Variants in FARP1 observed in about 807,000 individuals in gnomAD.
FARP1 encodes FERM, ARHGEF and pleckstrin domain-containing protein 1.
A neutral mutation model predicts 128.8 loss-of-function variants in FARP1; 52 were observed. The ratio of observed to expected loss-of-function variants is 0.40; its 90% CI spans 0.32 to 0.51. FARP1 has a LOEUF of 0.51. Ranked by LOEUF, FARP1 falls within the 20% of genes least tolerant of loss-of-function variation. FARP1 has a pLI of 0.45. For synonymous variants in FARP1, 580 were observed against 551.8 expected, an observed-to-expected ratio of 1.05 and a Z score of -0.72; for missense variants, 1,333 against 1,367.9, an observed-to-expected ratio of 0.97 and a Z score of 0.40.
intron 16 of FARP1, among the ~76,000 whole-genome samples, chr13:98,423,534 G>A (rs1414480363): frequency 1.3e-5 from 2 of 152,126 alleles, no homozygotes; most frequent in African/African-American, 4.8e-5. Context: ...TGTTTTAATT[G>A]TCTCTGGGAA....
Position 98,291,583 on chromosome 13 carries a change from G to A in FARP1, c.172-52179G>A, listed in dbSNP as rs151167689. ...ACCTGCAAAGGAACTATCATGAGGG[G>A]CAAGTTTCTGCCAGCGGGTATATCC... is the stretch of plus-strand genomic sequence containing the variant. On this transcript the variant is annotated intron_variant, in intron 2 of 26. Coordinates refer to ENST00000319562, the MANE Select transcript of FARP1 (RefSeq NM_005766.4). Among the ~76,000 whole-genome samples, 140 of 152,252 alleles carry A rather than the reference G, an allele frequency of 9.2e-4. No individual in the cohort carries two copies. The East Asian group carries it at 0.022, about 24-fold the overall frequency.
intron 19 of FARP1, 98 bp from the exon 20 acceptor site, chr13:98,438,706 C>G: frequency 1.0e-6 from 1 of 958,230 alleles, no homozygotes; most frequent in Non-Finnish European, 1.7e-6. Context: ...AGTCAGCCCT[C>G]AGGGGCTACA....
chr13:98,401,184 A>G (rs1421383217), intron 13 of FARP1: 3 of 152,090 alleles, frequency 2.0e-5, no homozygotes. Flanking sequence ...GCATAAAGAC[A>G]TTTACTCTGA....
At chr13:98,364,882 G>A (rs1889018154) in intron 3 of FARP1, among the ~76,000 whole-genome samples, 1 of 152,158 alleles carries the variant, frequency 6.6e-6, no homozygotes, top group Admixed American at 6.6e-5. Context: ...TCACTCCTGG[G>A]TAACAAGAAT....
intron 12 of FARP1, among the ~76,000 whole-genome samples, chr13:98,394,527 C>T (rs894082386): frequency 5.7e-4 from 86 of 152,154 alleles, no homozygotes; most frequent in African/African-American, 1.9e-3. Context: ...ATGAGCAGGA[C>T]GTGGTGGCTG....
intron 2 of FARP1, among the ~76,000 whole-genome samples, chr13:98,250,969 C>G (rs536487509): frequency 1.3e-5 from 2 of 152,098 alleles, no homozygotes; most frequent in Non-Finnish European, 2.9e-5. Flanking sequence ...TTGTGTGGCC[C>G]CTGGTCTTTG....
At chr13:98,205,010 T>C (rs1227360383) in intron 1 of FARP1, among the ~76,000 whole-genome samples, 1 of 152,168 alleles carries the variant, frequency 6.6e-6, no homozygotes, top group Non-Finnish European at 1.5e-5. Context: ...GTGATGAAAG[T>C]TTTGATTCTG....
intron 2 of FARP1, among the ~76,000 whole-genome samples, chr13:98,317,675 G>C (rs1288658902): frequency 1.3e-5 from 2 of 152,198 alleles, no homozygotes; most frequent in African/African-American, 2.4e-5. Context: ...AGGTGGGGCT[G>C]TCATAACCAC....
At chr13:98,421,855 T>TTA (rs1566308053) in intron 16 of FARP1, among the ~76,000 whole-genome samples, 96 of 149,100 alleles carry the variant, frequency 6.4e-4, no homozygotes, top group Non-Finnish European at 1.1e-3. Flanking sequence ...CCCATATCTT[T>TTA]AAAAAAAAAA....
intron 23 of FARP1, 100 bp downstream of exon 23, chr13:98,440,335 G>A (rs886689277): frequency 1.1e-5 from 9 of 855,686 alleles, no homozygotes; most frequent in Admixed American, 1.8e-5. Flanking sequence ...CCTCACATCC[G>A]TGGTGTACAT....
chr13:98,202,230 G>A (rs111997244), intron 1 of FARP1, among the ~76,000 whole-genome samples: 5,312 of 152,226 alleles, frequency 0.035, 300 homozygotes, highest in African/African-American at 0.12. Context: ...GGCAGCTTCC[G>A]GCTCATAAGA....
rs1258234912 is a variant in FARP1, at chr13:98,409,499, G to A, written c.1576G>A (p.Asp526Asn). ...GAATGACCAGGCCTGCCCCCGGACG[G>A]ACGATGAGGATGAGGGCCGGAGGAA... ...LLNDQACPRT[D>N]DEDEGRRKRF... The change falls in exon 14 of 27, where the codon GAC becomes AAC. Residue 526 changes from aspartate (D) to asparagine (N), a missense_variant. Physicochemically the swap from Asp to Asn is conservative, Grantham distance 23. Transcript: ENST00000319562. 1 of 1,612,860 alleles carries A rather than the reference G, an allele frequency of 6.2e-7. No homozygotes were observed. Among genetic ancestry groups the A allele is most frequent in the South Asian group, 1.1e-5 (1 of 90,890 alleles).
intron 16 of FARP1, 102 bp from the exon 17 acceptor site, chr13:98,424,470 G>A (rs1294226177): frequency 6.5e-6 from 5 of 764,114 alleles, no homozygotes; most frequent in Non-Finnish European, 1.2e-5. Flanking sequence ...GATGTCCGGG[G>A]AGGGGTGATT....
At chr13:98,395,812 C>T in intron 13 of FARP1, 1 of 402,406 alleles carries the variant, frequency 2.5e-6, no homozygotes, top group East Asian at 3.6e-5. Flanking sequence ...GCATAGCTCT[C>T]TCATAGATGA....
chr13:98,395,123 A>G, intron 12 of FARP1, 104 bp from the exon 13 acceptor site: 1 of 1,361,714 alleles, frequency 7.3e-7, no homozygotes, highest in South Asian at 1.7e-5. Flanking sequence ...CCCGCCGCAG[A>G]GGCCTCGGGT....
chr13:98,255,919 C>T (rs1438380013), intron 2 of FARP1, among the ~76,000 whole-genome samples: 1 of 152,220 alleles, frequency 6.6e-6, no homozygotes, highest in Non-Finnish European at 1.5e-5. Flanking sequence ...TGTGCGCAGT[C>T]AGCCTCCCTT....
chr13:98,446,895 AGCGAGTGAGATG>A (rs932464447), intron 26 of FARP1, 78 bp downstream of exon 26: 2 of 1,496,570 alleles, frequency 1.3e-6, no homozygotes, highest in Non-Finnish European at 1.8e-6. Context: ...CTCCCAAGTC[AGCGAGTGAGATG>A]GCCCCACCCT....
chr13:98,176,626 A>G lies in FARP1; in HGVS notation c.-24+33134A>G, dbSNP rs747338620. 6.2e-7 allele frequency: 1 copy of G among 1,614,224 alleles called. No homozygotes were observed. Among genetic ancestry groups the G allele is most frequent in the Non-Finnish European group, 8.5e-7 (1 of 1,180,042 alleles). Reference sequence around the variant, plus strand: ...TTTGCAGCTGTCCCCGAAGCCACAGAAGCCAGTCTCCTTGTAGTCCTTGCA... The same window carrying G: ...TTTGCAGCTGTCCCCGAAGCCACAGGAGCCAGTCTCCTTGTAGTCCTTGCA... On this transcript the variant is annotated intron_variant, in intron 1 of 26. Transcript: ENST00000319562. This position sits in a 1 kb window ranked among gnomAD's most constrained non-coding sequence, Gnocchi z 6.2.
intron 1 of FARP1, among the ~76,000 whole-genome samples, chr13:98,193,345 T>C (rs986398002): frequency 2.0e-5 from 3 of 152,180 alleles, no homozygotes; most frequent in Admixed American, 2.0e-4. Context: ...CGTGAGCCAC[T>C]ACGCCCAGCC....
Sources: allele counts gnomAD v4.1 joint callset (sites outside exome capture counted in the v4.1 genomes callset), GRCh38; gene constraint gnomAD v4.1.1; non-coding constraint Gnocchi (gnomAD v3.1); transcripts MANE v1.5; gene names NCBI Gene and HGNC (gene_info 2026-07-23, HGNC 2026-07-21).